Variants in MACROD2 observed in about 807,000 individuals in gnomAD.
MACROD2 encodes the protein ADP-ribose glycohydrolase MACROD2.
In MACROD2, 36 loss-of-function variants were observed where a neutral mutation model predicts 70.4. That is an observed-to-expected ratio of 0.51 (90% CI 0.39 to 0.68). MACROD2 has a LOEUF of 0.68. Ranked by LOEUF, MACROD2 falls within the 30% of genes least tolerant of loss-of-function variation. The probability of loss-of-function intolerance (pLI) is 0.00; values close to 1 mark genes in which losing one functional copy is unlikely to be tolerated. For missense variants in MACROD2, 496 were observed against 538.4 expected, an observed-to-expected ratio of 0.92 and a Z score of 0.78; for synonymous variants, 172 against 178.8, an observed-to-expected ratio of 0.96 and a Z score of 0.30.
chr20:15,518,995 C>G (rs2146525617), intron 8 of MACROD2, among the ~76,000 whole-genome samples: 1 of 152,316 alleles, frequency 6.6e-6, no homozygotes, highest in Non-Finnish European at 1.5e-5. Context: ...ATGTGCCGGA[C>G]ATTGTGCTAA....
intron 4 of MACROD2, among the ~76,000 whole-genome samples, chr20:14,513,564 T>TA (rs1245285393): frequency 6.6e-6 from 1 of 152,036 alleles, no homozygotes; most frequent in African/African-American, 2.4e-5. Context: ...CTACAAATTA[T>TA]AGGTGGGGGC....
At chr20:15,246,906 C>T (rs2077110930) in intron 6 of MACROD2, among the ~76,000 whole-genome samples, 2 of 152,266 alleles carry the variant, frequency 1.3e-5, no homozygotes, top group Middle Eastern at 3.4e-3. Flanking sequence ...CATGGTACAA[C>T]ATGGATGAAT....
intron 3 of MACROD2, among the ~76,000 whole-genome samples, chr20:14,314,981 A>T: frequency 6.6e-6 from 1 of 152,110 alleles, no homozygotes; most frequent in East Asian, 1.9e-4. Flanking sequence ...TGGAAAGCAA[A>T]CCTAGGTCTG....
chr20:15,664,180 G>A (rs1271622394), intron 8 of MACROD2, among the ~76,000 whole-genome samples: 1 of 152,110 alleles, frequency 6.6e-6, no homozygotes, highest in Non-Finnish European at 1.5e-5. Context: ...TAATAAATGT[G>A]GCAAGAGTTC....
At chr20:14,362,293 A>G (rs529763685) in intron 3 of MACROD2, among the ~76,000 whole-genome samples, 49 of 152,326 alleles carry the variant, frequency 3.2e-4, no homozygotes, top group Non-Finnish European at 5.7e-4. Flanking sequence ...TATAGATGAG[A>G]AAACAGAGGC....
At chr20:15,421,152 C>T (rs191233556) in intron 6 of MACROD2, among the ~76,000 whole-genome samples, 9 of 151,990 alleles carry the variant, frequency 5.9e-5, no homozygotes, top group East Asian at 5.8e-4. Flanking sequence ...CTGAGACAGG[C>T]GGATTGCTTG....
chr20:15,264,259 G>A (rs1294625137), intron 6 of MACROD2, among the ~76,000 whole-genome samples: 1 of 152,146 alleles, frequency 6.6e-6, no homozygotes, highest in Non-Finnish European at 1.5e-5. Flanking sequence ...AGAAGATCCA[G>A]AATGTGGACT....
intron 8 of MACROD2, among the ~76,000 whole-genome samples, chr20:15,738,366 T>A (rs1395438990): frequency 6.6e-6 from 1 of 152,138 alleles, no homozygotes; most frequent in East Asian, 1.9e-4. Flanking sequence ...TTAGAGAATT[T>A]AGAGGACTAG....
intron 8 of MACROD2, among the ~76,000 whole-genome samples, chr20:15,641,350 G>A (rs1450518059): frequency 6.6e-6 from 1 of 152,224 alleles, no homozygotes; most frequent in Non-Finnish European, 1.5e-5. Context: ...CATTAAAACA[G>A]TAGATCCAGC....
intron 4 of MACROD2, among the ~76,000 whole-genome samples, chr20:14,613,527 T>C (rs1244257303): frequency 6.6e-6 from 1 of 152,056 alleles, no homozygotes; most frequent in Non-Finnish European, 1.5e-5. Flanking sequence ...AATTATTTAC[T>C]TGACATCTAT....
At chr20:14,657,713 T>A (rs1047031247) in intron 4 of MACROD2, among the ~76,000 whole-genome samples, 2 of 152,134 alleles carry the variant, frequency 1.3e-5, no homozygotes, top group African/African-American at 4.8e-5. Flanking sequence ...TTTGAGAGGC[T>A]TATTCTTGTT....
chr20:15,357,582 T>A (rs2078302196), intron 6 of MACROD2, among the ~76,000 whole-genome samples: 2 of 152,116 alleles, frequency 1.3e-5, no homozygotes, highest in Admixed American at 1.3e-4. Context: ...TAATAATAAT[T>A]CCTACACACA....
At position 14,558,975 on chromosome 20, in the gene MACROD2, A is replaced by C. The variant is rs540299852; in HGVS notation, c.301+65467A>C. The stretch of plus-strand genomic sequence containing the variant: ...TCAAGCTTCATATTATAACACACAC[A>C]CAGACACAAAGATTCACAAATGTAC... On this transcript the variant is annotated intron_variant, in intron 4 of 17. Transcript: ENST00000684519. 4.3e-4 allele frequency among the ~76,000 whole-genome samples: 65 copies of C among 151,848 alleles called. 2 individuals carry two copies. The South Asian group carries it at 0.013, about 31-fold the overall frequency.
chr20:15,655,713 A>C (rs2049720188), intron 8 of MACROD2, among the ~76,000 whole-genome samples: 3 of 152,208 alleles, frequency 2.0e-5, no homozygotes, highest in Admixed American at 6.5e-5. Context: ...AGGAAAACAT[A>C]TACTGGAAAC....
At chr20:15,233,565 A>G (rs961344509) in intron 6 of MACROD2, among the ~76,000 whole-genome samples, 4 of 152,088 alleles carry the variant, frequency 2.6e-5, no homozygotes, top group South Asian at 2.1e-4. Context: ...AAAAAATACT[A>G]TATATTTTAT....
At chr20:14,600,343 T>TATATATATATATATATATATATATAC (rs1320891260) in intron 4 of MACROD2, among the ~76,000 whole-genome samples, 233 of 129,996 alleles carry the variant, frequency 1.8e-3, no homozygotes, top group African/African-American at 7.0e-3. Context: ...TATATATATA[T>TATATATATATATATATATATATATAC]ACACACACAC....
chr20:15,376,673 G>A (rs2045566799), intron 6 of MACROD2, among the ~76,000 whole-genome samples: 1 of 152,090 alleles, frequency 6.6e-6, no homozygotes, highest in African/African-American at 2.4e-5. Flanking sequence ...TGAGAGATTA[G>A]GGGATTATAA....
At chr20:15,100,399 C>A (rs181065504) in intron 5 of MACROD2, among the ~76,000 whole-genome samples, 26 of 152,124 alleles carry the variant, frequency 1.7e-4, no homozygotes, top group African/African-American at 6.0e-4. Flanking sequence ...TAATAGTGTC[C>A]CAAGAGTTTG....
intron 6 of MACROD2, among the ~76,000 whole-genome samples, chr20:15,258,392 T>C (rs1224021886): frequency 1.3e-5 from 2 of 152,092 alleles, no homozygotes; most frequent in Non-Finnish European, 2.9e-5. Flanking sequence ...GCAAGTGCCC[T>C]ACACAGGTGT....
Sources: allele counts gnomAD v4.1 joint callset (sites outside exome capture counted in the v4.1 genomes callset), GRCh38; gene constraint gnomAD v4.1.1; transcripts MANE v1.5; gene names NCBI Gene and HGNC (gene_info 2026-07-23, HGNC 2026-07-21).